SPMIP4: variants seen among roughly 807,000 people sequenced by gnomAD.
SPMIP4 encodes sperm-associated microtubule inner protein 4.
the SPMIP4 span, among the ~76,000 whole-genome samples, chr7:25,169,093 A>C: frequency 6.6e-6 from 1 of 151,996 alleles, no homozygotes; most frequent in Admixed American, 6.6e-5. Flanking sequence ...TCATCGATTT[A>C]AAGTGTACAA....
the SPMIP4 span, among the ~76,000 whole-genome samples, chr7:25,149,498 T>G: frequency 6.6e-6 from 1 of 152,124 alleles, no homozygotes; most frequent in Non-Finnish European, 1.5e-5. Context: ...AGGTTGAAAA[T>G]TAAGAGCAGT....
At chr7:25,160,461 G>A in the SPMIP4 span, among the ~76,000 whole-genome samples, 1 of 152,004 alleles carries the variant, frequency 6.6e-6, no homozygotes, top group Non-Finnish European at 1.5e-5. Flanking sequence ...ATCACGCCCA[G>A]CTAATTTTTA....
the SPMIP4 span, among the ~76,000 whole-genome samples, chr7:25,126,529 T>C: frequency 7.2e-5 from 11 of 152,192 alleles, no homozygotes; most frequent in African/African-American, 2.7e-4. Flanking sequence ...ATAACATTGA[T>C]TGCATAAACA....
At chr7:25,152,963 C>T in the SPMIP4 span, among the ~76,000 whole-genome samples, 3 of 151,852 alleles carry the variant, frequency 2.0e-5, no homozygotes, top group Middle Eastern at 6.8e-3. Context: ...AGGCTGGTCT[C>T]GAACTCCTGG....
At chr7:25,143,557 T>C in the SPMIP4 span, among the ~76,000 whole-genome samples, 2 of 150,570 alleles carry the variant, frequency 1.3e-5, no homozygotes, top group African/African-American at 4.9e-5. Context: ...AACAAGTAAT[T>C]CTTTGTCATA....
At chr7:25,168,009 C>T in the SPMIP4 span, among the ~76,000 whole-genome samples, 1 of 152,068 alleles carries the variant, frequency 6.6e-6, no homozygotes. Context: ...TTTGCTCAAA[C>T]AAAAATATTT....
the SPMIP4 span, among the ~76,000 whole-genome samples, chr7:25,165,351 C>A: frequency 6.6e-6 from 1 of 152,130 alleles, no homozygotes; most frequent in Non-Finnish European, 1.5e-5. Flanking sequence ...CTGAACTAGA[C>A]AGGAGTGGGC....
chr7:25,162,163 C>A, the SPMIP4 span, among the ~76,000 whole-genome samples: 1 of 150,772 alleles, frequency 6.6e-6, no homozygotes, highest in African/African-American at 2.4e-5. Flanking sequence ...CCCAGCTACT[C>A]GGGAGGCTGA....
chr7:25,139,218 G>A, the SPMIP4 span, among the ~76,000 whole-genome samples: 1 of 152,118 alleles, frequency 6.6e-6, no homozygotes, highest in South Asian at 2.1e-4. Flanking sequence ...CATGCTGCAT[G>A]TTTAGGAGTG....
At chr7:25,140,221 C>T in the SPMIP4 span, among the ~76,000 whole-genome samples, 2 of 152,314 alleles carry the variant, frequency 1.3e-5, no homozygotes, top group Non-Finnish European at 1.5e-5. Flanking sequence ...TATAAACCTG[C>T]TCCTGGTGTT....
the SPMIP4 span, among the ~76,000 whole-genome samples, chr7:25,128,113 C>G: frequency 6.6e-6 from 1 of 152,228 alleles, no homozygotes; most frequent in South Asian, 2.1e-4. This position sits in a 1 kb window ranked among gnomAD's most constrained non-coding sequence, Gnocchi z 4.5. Context: ...CACAAGCACC[C>G]TTGTGGCTGC....
At chr7:25,132,764 C>T in the SPMIP4 span, among the ~76,000 whole-genome samples, 2 of 152,128 alleles carry the variant, frequency 1.3e-5, no homozygotes, top group Non-Finnish European at 1.5e-5. This position sits in a 1 kb window ranked among gnomAD's most constrained non-coding sequence, Gnocchi z 5.0. Context: ...TCTAGTCTTT[C>T]TAGATGTTAA....
At chr7:25,170,843 G>A in the SPMIP4 span, among the ~76,000 whole-genome samples, 2 of 152,202 alleles carry the variant, frequency 1.3e-5, no homozygotes, top group Admixed American at 1.3e-4. Flanking sequence ...TTCAGAAATG[G>A]AGAGTATTGT....
At chr7:25,131,107 ATGG>A in the SPMIP4 span, among the ~76,000 whole-genome samples, 1 of 152,190 alleles carries the variant, frequency 6.6e-6, no homozygotes, top group Non-Finnish European at 1.5e-5. The surrounding 1 kb of genome is among the most constrained non-coding windows in gnomAD (Gnocchi z 4.2). Flanking sequence ...TGTCAGATCA[ATGG>A]TGGCATTAGA....
chr7:25,145,603 T>C, the SPMIP4 span, among the ~76,000 whole-genome samples: 1,570 of 152,320 alleles, frequency 0.01, 27 homozygotes, highest in African/African-American at 0.036. Flanking sequence ...AAGATAAGCC[T>C]ACGGCAGAAA....
chr7:25,165,313 G>A, the SPMIP4 span, among the ~76,000 whole-genome samples: 1 of 152,090 alleles, frequency 6.6e-6, no homozygotes, highest in Admixed American at 6.5e-5. Flanking sequence ...AGAGAGCATA[G>A]GTATAGAATA....
chr7:25,175,546 GGTA>G, the SPMIP4 span, among the ~76,000 whole-genome samples: 1 of 152,196 alleles, frequency 6.6e-6, no homozygotes, highest in Non-Finnish European at 1.5e-5. Flanking sequence ...CTAGGTTGTA[GGTA>G]TGGCCTACAT....
chr7:25,155,137 C>T, the SPMIP4 span: 201 of 1,610,476 alleles, frequency 1.2e-4, no homozygotes, highest in Non-Finnish European at 1.6e-4. Flanking sequence ...AACATGGCGC[C>T]GCGACAGATG....
At chr7:25,150,487 G>A in the SPMIP4 span, among the ~76,000 whole-genome samples, 89,725 of 152,046 alleles carry the variant, frequency 0.59, 27,654 homozygotes, top group Non-Finnish European at 0.68. Context: ...GCCTGTCACA[G>A]TGGTTTGCCA....
Sources: gnomAD v4.1 joint callset for allele counts (sites outside exome capture counted in the v4.1 genomes callset) on GRCh38, gnomAD v4.1.1 for gene constraint, Gnocchi (gnomAD v3.1) non-coding constraint, MANE v1.5 for transcripts, NCBI Gene and HGNC (gene_info 2026-07-23, HGNC 2026-07-21) for gene names.